Variants in CD82 observed in about 807,000 individuals in gnomAD.
CD82 encodes the protein CD82 molecule, also known as CD82 antigen.
Under a neutral mutation model 37.4 loss-of-function variants are expected in CD82, and 36 were observed. The observed-to-expected ratio is 0.96, with a 90% CI of 0.74 to 1.27. The LOEUF (loss-of-function observed/expected upper bound fraction) is 1.27, where lower values mean the gene tolerates loss of function less well. CD82 is among the 50% of genes most tolerant of loss of function. The pLI, the probability that CD82 is intolerant of heterozygous loss-of-function variation, is 0.00. For synonymous variants in CD82, 158 were observed against 137.4 expected, an observed-to-expected ratio of 1.15 and a Z score of -1.05; for missense variants, 340 against 347.0, an observed-to-expected ratio of 0.98 and a Z score of 0.16.
chr11:44,607,509 T>C (rs1279191470), intron 6 of CD82, among the ~76,000 whole-genome samples: 1 of 152,158 alleles, frequency 6.6e-6, no homozygotes. Context: ...GTGAGCCGGT[T>C]TCTATGACTC....
chr11:44,564,711 C>G (rs1342847282), upstream of CD82, among the ~76,000 whole-genome samples: 2 of 152,222 alleles, frequency 1.3e-5, 1 homozygote, highest in African/African-American at 4.8e-5. Context: ...TCACCTCAGG[C>G]AGCTGCTGGG....
Position 44,618,675 on chromosome 11 carries a change from G to A in CD82, c.678G>A (p.Glu226=), listed in dbSNP as rs74375347. 0.012 allele frequency: 20,033 copies of A among 1,613,232 alleles called. 179 individuals are homozygous for A. Among genetic ancestry groups the A allele is most frequent in the Non-Finnish European group, 0.015 (17,378 of 1,179,896 alleles). The change falls in exon 9 of 10, where the codon GAG becomes GAA. Residue 226 remains glutamate (E), a synonymous_variant. Coordinates refer to ENST00000227155, the MANE Select transcript of CD82 (RefSeq NM_002231.4). ...CMEKVQAWLQ[E]NLGIILGVGV... ...AGAAGGTGCAGGCGTGGCTGCAGGAGAACCTGGGCATCATCCTCGGCGTGG... is the reference window on the plus strand; with the variant it reads ...AGAAGGTGCAGGCGTGGCTGCAGGAAAACCTGGGCATCATCCTCGGCGTGG...
intron 1 of CD82, among the ~76,000 whole-genome samples, chr11:44,579,551 C>T (rs533980720): frequency 6.6e-6 from 1 of 152,214 alleles, no homozygotes; most frequent in South Asian, 2.1e-4. Context: ...CTGTCCCGGC[C>T]TCTCTCACTC....
intron 7 of CD82, 151 bp from the exon 8 acceptor site, chr11:44,618,011 G>C (rs1853589951): frequency 1.5e-6 from 1 of 645,264 alleles, no homozygotes; most frequent in Non-Finnish European, 2.7e-6. Flanking sequence ...TTTTTCTGCT[G>C]TACTTGTAGT....
chr11:44,578,799 C>T (rs1482334349), intron 1 of CD82, among the ~76,000 whole-genome samples: 1 of 152,180 alleles, frequency 6.6e-6, no homozygotes, highest in African/African-American at 2.4e-5. Flanking sequence ...TTCCACCCTG[C>T]ATTAGGAGCT....
At chr11:44,591,423 A>G (rs1247659692) in intron 2 of CD82, among the ~76,000 whole-genome samples, 1 of 152,182 alleles carries the variant, frequency 6.6e-6, no homozygotes, top group Non-Finnish European at 1.5e-5. Context: ...TCATGGGAAT[A>G]CCAGCCCAGC....
intron 6 of CD82, among the ~76,000 whole-genome samples, chr11:44,608,706 C>G (rs748217379): frequency 1.8e-4 from 27 of 152,376 alleles, no homozygotes; most frequent in Middle Eastern, 3.4e-3. Flanking sequence ...TGAACCTGAA[C>G]AGAAGCAAGG....
intron 1 of CD82, among the ~76,000 whole-genome samples, chr11:44,584,296 T>C (rs1029341385): frequency 6.6e-6 from 1 of 152,130 alleles, no homozygotes; most frequent in African/African-American, 2.4e-5. Flanking sequence ...TGTTTTTGTT[T>C]TTGTTTTGAG....
chr11:44,615,204 T>C, intron 6 of CD82, 68 bp from the exon 7 acceptor site: 1 of 1,014,672 alleles, frequency 9.9e-7, no homozygotes, highest in Non-Finnish European at 1.6e-6. Flanking sequence ...GCAGTTTAAG[T>C]AGGGGTGACC....
At chr11:44,601,004 A>G (rs1853300152) in intron 4 of CD82, among the ~76,000 whole-genome samples, 1 of 152,172 alleles carries the variant, frequency 6.6e-6, no homozygotes, top group African/African-American at 2.4e-5. Context: ...GGCCTAAGGC[A>G]TTTTTACAGG....
chr11:44,594,526 T>C, intron 2 of CD82, 117 bp from the exon 3 acceptor site: 1 of 689,616 alleles, frequency 1.5e-6, no homozygotes, highest in Middle Eastern at 3.7e-4. Context: ...TTGTCTAACC[T>C]CTCTGGGCCT....
intron 6 of CD82, chr11:44,606,900 C>G (rs192680923): frequency 9.2e-5 from 14 of 152,468 alleles, no homozygotes; most frequent in Admixed American, 8.5e-4. Flanking sequence ...CAGATCCTCA[C>G]TAGGCCCTCT....
At chr11:44,575,233 G>C (rs1852873712) in intron 1 of CD82, among the ~76,000 whole-genome samples, 1 of 152,174 alleles carries the variant, frequency 6.6e-6, no homozygotes, top group Non-Finnish European at 1.5e-5. Flanking sequence ...TAGATATAGG[G>C]GAGTGTTTTC....
chr11:44,618,266 A>G lies in CD82; in HGVS notation c.543A>G (p.Glu181=), dbSNP rs1209377252. Residue 181 remains glutamate (E), a synonymous_variant, in exon 8 of 10, where the codon GAA becomes GAG. Transcript: ENST00000227155. The part of the protein sequence containing the change: ...TYPCSCEVKG[E]EDNSLSVRKG... ...CCTGTTCCTGCGAAGTCAAGGGGGA[A>G]GAGGACAACAGCCTTTCTGTGAGGA... 7 of 1,614,128 alleles carry G rather than the reference A, an allele frequency of 4.3e-6. No individual in the cohort carries two copies. The highest frequency in any genetic ancestry group is 5.9e-6 in the Non-Finnish European group (7 of 1,180,036).
At position 44,580,986 on chromosome 11, in the gene CD82, T is replaced by TC. The variant is rs550726560; in HGVS notation, c.-102-6486dup. 6.6e-5 allele frequency among the ~76,000 whole-genome samples: 10 copies of TC among 152,198 alleles called. No homozygotes were observed. In the South Asian group the frequency reaches 2.1e-3, roughly 32 times the overall value. On this transcript the variant is annotated intron_variant, in intron 1 of 9. Coordinates refer to ENST00000227155, the MANE Select transcript of CD82 (RefSeq NM_002231.4). ...GTGGGGTCCCTGATTAGAGTCCCCC[T>TC]CCCTCTCTCTAATCACCCTACTCAG...
intron 1 of CD82, among the ~76,000 whole-genome samples, chr11:44,569,276 C>T (rs899498108): frequency 1.1e-4 from 17 of 152,110 alleles, no homozygotes; most frequent in Admixed American, 9.8e-4. Context: ...ACCACAGACC[C>T]GGGGCCTCTG....
At chr11:44,569,852 G>A (rs1352942488) in intron 1 of CD82, among the ~76,000 whole-genome samples, 1 of 152,150 alleles carries the variant, frequency 6.6e-6, no homozygotes. Context: ...GACTCTTTCT[G>A]AGCCTCAGTT....
chr11:44,568,025 TCAG>T (rs1852761857), intron 1 of CD82, among the ~76,000 whole-genome samples: 1 of 152,204 alleles, frequency 6.6e-6, no homozygotes, highest in Non-Finnish European at 1.5e-5. Context: ...GTAGGTGGGA[TCAG>T]CTTACGGAGG....
intron 1 of CD82, among the ~76,000 whole-genome samples, chr11:44,568,508 T>G: frequency 1.7e-5 from 2 of 121,080 alleles, no homozygotes; most frequent in Non-Finnish European, 1.7e-5. Context: ...CAGCCAGCAG[T>G]AAGTTTGGGG....
Sources: allele counts gnomAD v4.1 joint callset (sites outside exome capture counted in the v4.1 genomes callset), GRCh38; gene constraint gnomAD v4.1.1; transcripts MANE v1.5; gene names NCBI Gene and HGNC (gene_info 2026-07-23, HGNC 2026-07-21).